TMEM108: variants seen among roughly 807,000 people sequenced by gnomAD.
TMEM108 encodes the protein transmembrane protein 108.
A neutral mutation model predicts 35.1 loss-of-function variants in TMEM108; 12 were observed. The observed-to-expected ratio is 0.34, with a 90% confidence interval of 0.22 to 0.55. The LOEUF (loss-of-function observed/expected upper bound fraction) is 0.55, where lower values mean the gene tolerates loss of function less well. TMEM108 is among the 20% of genes least tolerant of loss of function. The probability of loss-of-function intolerance (pLI) is 0.89; values close to 1 mark genes in which losing one functional copy is unlikely to be tolerated. For synonymous variants in TMEM108, 287 were observed against 308.6 expected (o/e 0.93, Z 0.73); for missense variants, 680 against 753.3 (o/e 0.90, Z 1.14).
chr3:133,328,402 G>A lies in TMEM108; in HGVS notation c.41-51350G>A, dbSNP rs559828062. On this transcript the variant is annotated intron_variant, in intron 3 of 5. Coordinates refer to ENST00000321871, the MANE Select transcript of TMEM108 (RefSeq NM_023943.4). The stretch of plus-strand genomic sequence containing the variant: ...AGATCAGGCACATTCAGGGTGGTAC[G>A]GTGGTAGACTAAAAGCCTACTAAAG... Among the ~76,000 whole-genome samples the A allele has an allele frequency of 3.9e-5, 6 of 152,274 alleles. No individual in the cohort carries two copies. In the East Asian group the frequency reaches 7.7e-4, roughly 20 times the overall value.
At chr3:133,107,785 G>A (rs1392495878) in intron 2 of TMEM108, among the ~76,000 whole-genome samples, 2 of 152,132 alleles carry the variant, frequency 1.3e-5, no homozygotes, top group Non-Finnish European at 2.9e-5. Context: ...TAGCCTCTAA[G>A]CCACAACCTT....
chr3:133,321,373 T>C (rs1386473865), intron 3 of TMEM108, among the ~76,000 whole-genome samples: 1 of 152,172 alleles, frequency 6.6e-6, no homozygotes, highest in East Asian at 1.9e-4. Flanking sequence ...GCGATTCTTA[T>C]ATCAGACAAA....
At chr3:133,337,838 A>G (rs1795097) in intron 3 of TMEM108, among the ~76,000 whole-genome samples, 17,916 of 152,184 alleles carry the variant, frequency 0.12, 1,466 homozygotes, top group East Asian at 0.38. Flanking sequence ...ATTGTATCAG[A>G]TAAATTCAAC....
At chr3:133,156,064 T>TTTTCTTTATTTATTTATTTA (rs1944876805) in intron 2 of TMEM108, among the ~76,000 whole-genome samples, 1 of 146,084 alleles carries the variant, frequency 6.8e-6, no homozygotes, top group African/African-American at 2.5e-5. Flanking sequence ...TTATTTTTTC[T>TTTTCTTTATTTATTTATTTA]TTTATTTATT....
At chr3:133,301,300 G>A (rs1226903099) in intron 3 of TMEM108, among the ~76,000 whole-genome samples, 3 of 152,108 alleles carry the variant, frequency 2.0e-5, no homozygotes, top group Non-Finnish European at 2.9e-5. Flanking sequence ...ATGAGTCACA[G>A]GCTTGAAAGA....
chr3:133,275,186 T>C (rs1369488453), intron 3 of TMEM108, among the ~76,000 whole-genome samples: 1 of 152,116 alleles, frequency 6.6e-6, no homozygotes, highest in Admixed American at 6.5e-5. Context: ...AACTTTCTTA[T>C]CTAGTTTCCC....
chr3:133,207,376 C>T (rs1945772942), intron 2 of TMEM108, among the ~76,000 whole-genome samples: 1 of 152,030 alleles, frequency 6.6e-6, no homozygotes, highest in African/African-American at 2.4e-5. Context: ...AAGTCACCCG[C>T]CTTCTGCATT....
At chr3:133,048,780 T>C (rs1466161983) in intron 2 of TMEM108, among the ~76,000 whole-genome samples, 1 of 152,204 alleles carries the variant, frequency 6.6e-6, no homozygotes, top group East Asian at 1.9e-4. Context: ...ATAAGAATGT[T>C]TAAGAAGGAT....
intron 3 of TMEM108, among the ~76,000 whole-genome samples, chr3:133,260,599 A>G (rs1208922318): frequency 1.3e-5 from 2 of 152,224 alleles, no homozygotes; most frequent in East Asian, 3.8e-4. Flanking sequence ...TGAGGTATGC[A>G]TGCAGTTGGG....
intron 3 of TMEM108, among the ~76,000 whole-genome samples, chr3:133,377,242 C>G (rs1460598853): frequency 6.6e-6 from 1 of 152,146 alleles, no homozygotes; most frequent in African/African-American, 2.4e-5. Context: ...ATAAGTCAGT[C>G]CTTAACAACA....
At chr3:133,222,473 T>C (rs1946006342) in intron 2 of TMEM108, among the ~76,000 whole-genome samples, 1 of 152,092 alleles carries the variant, frequency 6.6e-6, no homozygotes, top group African/African-American at 2.4e-5. Context: ...TTTTAAACTT[T>C]GTGTTCCTTT....
chr3:133,045,549 A>G (rs1214408037), intron 1 of TMEM108, among the ~76,000 whole-genome samples: 1 of 152,204 alleles, frequency 6.6e-6, no homozygotes, highest in African/African-American at 2.4e-5. Flanking sequence ...AAGTATTGTG[A>G]TCCACTTCTA....
At chr3:133,250,142 T>C (rs1946447300) in intron 3 of TMEM108, among the ~76,000 whole-genome samples, 1 of 152,132 alleles carries the variant, frequency 6.6e-6, no homozygotes, top group African/African-American at 2.4e-5. Flanking sequence ...TAGTTCTAGA[T>C]AGGACTATGC....
intron 2 of TMEM108, among the ~76,000 whole-genome samples, chr3:133,180,337 G>C (rs1945314694): frequency 6.6e-6 from 1 of 152,086 alleles, no homozygotes; most frequent in Non-Finnish European, 1.5e-5. Context: ...ACATGGCATT[G>C]AGGTTTTGAA....
At chr3:133,377,464 C>CATTG (rs1434850708) in intron 3 of TMEM108, among the ~76,000 whole-genome samples, 1 of 152,196 alleles carries the variant, frequency 6.6e-6, no homozygotes, top group Admixed American at 6.5e-5. Context: ...CCTTCTGCAT[C>CATTG]ATTGATAGTG....
chr3:133,278,664 G>A (rs1224294477), intron 3 of TMEM108, among the ~76,000 whole-genome samples: 1 of 152,080 alleles, frequency 6.6e-6, no homozygotes, highest in African/African-American at 2.4e-5. Flanking sequence ...CATAGAAAAG[G>A]TACGATGAAA....
At chr3:133,183,431 G>C (rs1945376602) in intron 2 of TMEM108, among the ~76,000 whole-genome samples, 1 of 152,114 alleles carries the variant, frequency 6.6e-6, no homozygotes, top group Admixed American at 6.5e-5. Flanking sequence ...CTTAGATATA[G>C]AGAAGATAAG....
At chr3:133,156,984 C>T (rs1246339009) in intron 2 of TMEM108, among the ~76,000 whole-genome samples, 1 of 152,114 alleles carries the variant, frequency 6.6e-6, no homozygotes, top group African/African-American at 2.4e-5. Flanking sequence ...AAAACATGAA[C>T]AAGAAATTAA....
intron 3 of TMEM108, among the ~76,000 whole-genome samples, chr3:133,357,090 C>CA (rs1279761979): frequency 3.9e-5 from 6 of 152,168 alleles, no homozygotes; most frequent in Non-Finnish European, 5.9e-5. Flanking sequence ...ATCAGCAAGA[C>CA]AAAACCAATC....
Sources: allele counts gnomAD v4.1 joint callset (sites outside exome capture counted in the v4.1 genomes callset), GRCh38; gene constraint gnomAD v4.1.1; transcripts MANE v1.5; gene names NCBI Gene and HGNC (gene_info 2026-07-23, HGNC 2026-07-21).